AOAH: variants seen among roughly 807,000 people sequenced by gnomAD.
AOAH encodes the protein acyloxyacyl hydrolase (neutrophil).
A neutral mutation model predicts 92.2 loss-of-function variants in AOAH; 64 were observed. That is an observed-to-expected ratio of 0.69 (90% CI 0.57 to 0.86). The LOEUF (loss-of-function observed/expected upper bound fraction) is 0.86. AOAH is among the 40% of genes least tolerant of loss of function. The probability of loss-of-function intolerance (pLI) is 0.00; values close to 1 mark genes in which losing one functional copy is unlikely to be tolerated. For synonymous variants in AOAH, 263 were observed against 254.5 expected (o/e 1.03, Z -0.32); for missense variants, 656 against 694.6 (o/e 0.94, Z 0.62).
chr7:36,692,902 C>T (rs1375358373), intron 1 of AOAH, among the ~76,000 whole-genome samples: 1 of 152,120 alleles, frequency 6.6e-6, no homozygotes, highest in Non-Finnish European at 1.5e-5. Context: ...TCAGTGATAG[C>T]CTCTCAGAGG....
intron 20 of AOAH, among the ~76,000 whole-genome samples, chr7:36,513,942 G>GT (rs1311609264): frequency 6.6e-6 from 1 of 152,236 alleles, no homozygotes; most frequent in Non-Finnish European, 1.5e-5. Flanking sequence ...TGTTTTTTCA[G>GT]TAATAGATTA....
In AOAH at chr7:36,516,657, C is replaced by T. The variant is rs1583705400; in HGVS notation, c.1600-3277G>A. On this transcript the variant is annotated intron_variant, in intron 20 of 20. Transcript: ENST00000617537. The surrounding 1 kb of genome is among the most constrained non-coding windows in gnomAD (Gnocchi z 5.0). ...AGAGGCCCGGGCTTGTGGCTGTTTT[C>T]CTGCCATTTCTCAACAAAGGAGGCT... Among the ~76,000 whole-genome samples, 1 of 152,150 alleles carries T rather than the reference C, an allele frequency of 6.6e-6. No individual in the cohort carries two copies. The highest frequency in any genetic ancestry group is 2.1e-4 in the South Asian group (1 of 4,826).
chr7:36,634,656 C>A (rs909696979), intron 5 of AOAH, among the ~76,000 whole-genome samples: 1 of 152,132 alleles, frequency 6.6e-6, no homozygotes, highest in Non-Finnish European at 1.5e-5. Flanking sequence ...GACAGCACTT[C>A]GGAAATACAG....
At chr7:36,609,007 G>A (rs918662613) in intron 11 of AOAH, among the ~76,000 whole-genome samples, 4 of 152,096 alleles carry the variant, frequency 2.6e-5, no homozygotes, top group African/African-American at 9.7e-5. Flanking sequence ...AGACCCTGTG[G>A]GAAGACCTGC....
At chr7:36,636,585 T>C (rs56295398) in intron 5 of AOAH, among the ~76,000 whole-genome samples, 25,340 of 152,260 alleles carry the variant, frequency 0.17, 2,255 homozygotes, top group South Asian at 0.25. Context: ...AACGGGCTAC[T>C]GTTGGCCCTT....
intron 12 of AOAH, among the ~76,000 whole-genome samples, chr7:36,577,274 A>G (rs1181594412): frequency 6.6e-6 from 1 of 152,134 alleles, no homozygotes; most frequent in East Asian, 1.9e-4. Context: ...ATTTCTGGTA[A>G]CGCTTCTTAG....
rs1014639970 is a variant in AOAH, at chr7:36,566,193, T to C, written c.1021+10381A>G. Among the ~76,000 whole-genome samples the C allele has an allele frequency of 4.7e-5, 7 of 150,202 alleles. No individual in the cohort carries two copies. The Middle Eastern group carries it at 0.01, about 222-fold the overall frequency. On this transcript the variant is annotated intron_variant, in intron 13 of 20. Coordinates refer to ENST00000617537, the MANE Select transcript of AOAH (RefSeq NM_001637.4). ...TATGCAATTTTTGGCAAGAATACAA[T>C]AGCAGAAGCTCAGTTAGCTAGTTAA...
intron 11 of AOAH, among the ~76,000 whole-genome samples, chr7:36,604,786 A>G (rs1382423699): frequency 6.6e-6 from 1 of 152,140 alleles, no homozygotes; most frequent in Non-Finnish European, 1.5e-5. Flanking sequence ...ATCTTAAGTC[A>G]CCAAATTTGG....
At chr7:36,635,485 C>G (rs772754356) in intron 5 of AOAH, among the ~76,000 whole-genome samples, 1 of 150,988 alleles carries the variant, frequency 6.6e-6, no homozygotes, top group Admixed American at 6.6e-5. Flanking sequence ...CAACCCTTGT[C>G]GTGTATTATA....
chr7:36,686,791 C>A lies in AOAH; in HGVS notation c.131G>T (p.Cys44Phe). Reference protein sequence around the residue: ...SLSNGHTCVGCVLVVSVIEQL... With the variant: ...SLSNGHTCVGFVLVVSVIEQL... ...TTCTATTACAGACACCACCAGCACACACCCTGCCAGGGAGGAGAAGAACAT... is the reference window on the plus strand; with the variant it reads ...TTCTATTACAGACACCACCAGCACAAACCCTGCCAGGGAGGAGAAGAACAT... The change falls in exon 2 of 21, where the codon TGT (cysteine) becomes TTT (phenylalanine). Residue 44 changes from cysteine (C) to phenylalanine (F), a missense_variant. Transcript: ENST00000617537. 6.4e-7 allele frequency: 1 copy of A among 1,550,822 alleles called. No homozygotes were observed.
intron 10 of AOAH, 85 bp downstream of exon 10, chr7:36,618,212 C>G: frequency 8.4e-7 from 1 of 1,193,648 alleles, no homozygotes; most frequent in Non-Finnish European, 1.2e-6. Context: ...CACGTTCTGA[C>G]TTAGGTGGTC....
intron 1 of AOAH, among the ~76,000 whole-genome samples, chr7:36,693,720 G>A (rs1038923272): frequency 1.3e-5 from 2 of 152,090 alleles, no homozygotes; most frequent in African/African-American, 4.8e-5. Context: ...ATTATTAGGC[G>A]ATAAAGGTAA....
chr7:36,598,567 T>C (rs919439392), intron 11 of AOAH, among the ~76,000 whole-genome samples: 1 of 152,218 alleles, frequency 6.6e-6, no homozygotes, highest in Non-Finnish European at 1.5e-5. Flanking sequence ...AGCCCTACTA[T>C]GTGAAGCATC....
chr7:36,540,627 G>A, intron 15 of AOAH, 136 bp from the exon 16 acceptor site: 1 of 786,854 alleles, frequency 1.3e-6, no homozygotes, highest in Non-Finnish European at 2.0e-6. Flanking sequence ...GGAGCTATTT[G>A]CAAAATATTC....
chr7:36,615,458 C>G (rs1791795956), intron 11 of AOAH, among the ~76,000 whole-genome samples: 1 of 152,168 alleles, frequency 6.6e-6, no homozygotes, highest in African/African-American at 2.4e-5. Context: ...ATGTAGCTAT[C>G]CCTAGGCACA....
intron 1 of AOAH, among the ~76,000 whole-genome samples, chr7:36,713,380 G>C (rs890903417): frequency 6.6e-6 from 1 of 152,018 alleles, no homozygotes; most frequent in Non-Finnish European, 1.5e-5. Flanking sequence ...ATAATAATGG[G>C]AGACTTTAAC....
intron 12 of AOAH, among the ~76,000 whole-genome samples, chr7:36,590,383 G>A (rs911816982): frequency 1.3e-5 from 2 of 151,602 alleles, no homozygotes; most frequent in African/African-American, 2.4e-5. Flanking sequence ...ATTTTTTAAG[G>A]GATATCACTT....
intron 5 of AOAH, among the ~76,000 whole-genome samples, chr7:36,637,241 G>T (rs1167371167): frequency 6.6e-6 from 1 of 152,134 alleles, no homozygotes; most frequent in Admixed American, 6.5e-5. Context: ...TCGAGGACTT[G>T]GTAAGTCCTA....
chr7:36,607,184 A>G lies in AOAH; in HGVS notation c.846+9196T>C, dbSNP rs144103876. ...CAGCGAATACAGCTGGGATGGGGTC[A>G]TGTACGCACAGATGTGTTTTCTGCC... is the stretch of plus-strand genomic sequence containing the variant. On this transcript the variant is annotated intron_variant, in intron 11 of 20. Transcript: ENST00000617537. 7.9e-5 allele frequency among the ~76,000 whole-genome samples: 12 copies of G among 152,344 alleles called. 1 individual carries two copies. In the East Asian group the frequency reaches 2.3e-3, roughly 29 times the overall value.
Sources: gnomAD v4.1 joint callset for allele counts (sites outside exome capture counted in the v4.1 genomes callset) on GRCh38, gnomAD v4.1.1 for gene constraint, Gnocchi (gnomAD v3.1) non-coding constraint, MANE v1.5 for transcripts, NCBI Gene and HGNC (gene_info 2026-07-23, HGNC 2026-07-21) for gene names.